SIN3A: variants seen among roughly 807,000 people sequenced by gnomAD.
SIN3A encodes paired amphipathic helix protein Sin3a.
In SIN3A, 14 loss-of-function variants were observed where a neutral mutation model predicts 146.1. That is an observed-to-expected ratio of 0.10 (90% CI 0.06 to 0.15). The LOEUF is 0.15. Among genes scored for constraint, SIN3A ranks in the 10% least tolerant of loss-of-function variants. SIN3A has a pLI of 1.00. For missense variants in SIN3A, 1,028 were observed against 1,576.0 expected, an observed-to-expected ratio of 0.65 and a Z score of 5.89; for synonymous variants, 572 against 572.0, an observed-to-expected ratio of 1.00 and a Z score of 0.00.
Position 75,392,802 on chromosome 15 carries a change from G to A in SIN3A, c.2291C>T (p.Ala764Val). 1 of 1,607,576 alleles carries A rather than the reference G, an allele frequency of 6.2e-7. No individual in the cohort carries two copies. Among genetic ancestry groups the A allele is most frequent in the East Asian group, 2.2e-5 (1 of 44,810 alleles). The change falls in exon 15 of 21, where the codon GCT (alanine) becomes GTT (valine). Residue 764 changes from alanine (A) to valine (V), a missense_variant. This residue lies in a region of SIN3A where 488 missense variants were observed against 690.2 expected (regional missense o/e 0.71). Coordinates refer to ENST00000394947, the MANE Select transcript of SIN3A (RefSeq NM_001145358.2). ...AGGTACACCAGCATTCTCCTCCGTA[G>A]CCTGCTCTTGCCTCTGATGGGACAG... ...ESIYDERQEQATEENAGVPVG... is the reference protein window; with the variant it reads ...ESIYDERQEQVTEENAGVPVG...
chr15:75,430,454 G>A (rs534089723), intron 1 of SIN3A, 46 bp from the exon 2 acceptor site: 1 of 1,432,206 alleles, frequency 7.0e-7, no homozygotes, highest in Admixed American at 2.4e-5. Context: ...TCTCACTCCA[G>A]TATGATGTAC....
At chr15:75,446,354 CAT>C (rs924677048) in intron 1 of SIN3A, 3 of 149,062 alleles carry the variant, frequency 2.0e-5, no homozygotes, top group African/African-American at 7.4e-5. Flanking sequence ...TGAGGGCTCA[CAT>C]GTGCTTGACA....
rs1023147564 is a variant in SIN3A at position 75,375,686 on chromosome 15, G to A, written c.3570C>T (p.Thr1190=). 15 of 1,613,782 alleles carry A rather than the reference G, an allele frequency of 9.3e-6. No individual in the cohort carries two copies. Among genetic ancestry groups the A allele is most frequent in the South Asian group, 2.2e-5 (2 of 91,068 alleles). The change falls in exon 20 of 21, where the codon ACC becomes ACT. Residue 1190 remains threonine, a synonymous_variant. Coordinates refer to ENST00000394947, the MANE Select transcript of SIN3A (RefSeq NM_001145358.2). Reference sequence around the variant, plus strand: ...TCACCTGATGAGCCCGGAGCAGGGCGGTCCTCCGATACATATAGTCCTCTG... The same window carrying A: ...TCACCTGATGAGCCCGGAGCAGGGCAGTCCTCCGATACATATAGTCCTCTG... ...IKSEDYMYRR[T]ALLRAHQSHE...
chr15:75,409,913 T>TCAA lies in SIN3A; in HGVS notation c.1239_1240insTTG (p.Leu413dup). 1 of 1,614,066 alleles carries TCAA rather than the reference T, an allele frequency of 6.2e-7. No individual in the cohort carries two copies. The highest frequency in any genetic ancestry group is 8.5e-7 in the Non-Finnish European group (1 of 1,180,036). ...TGGCTGGGCCTCTGCGGCTTGTTGTTCAGTTGGGGCTTCTTGACAGTGCCT... is the reference window on the plus strand; with the variant it reads ...TGGCTGGGCCTCTGCGGCTTGTTGTTCAACAGTTGGGGCTTCTTGACAGTGCCT... On this transcript the variant is annotated inframe_insertion, in exon 8 of 21. Coordinates refer to ENST00000394947, the MANE Select transcript of SIN3A (RefSeq NM_001145358.2).
At position 75,392,640 on chromosome 15, in the gene SIN3A, T is replaced by C. The variant is rs1202547391; in HGVS notation, c.2453A>G (p.His818Arg). 1 of 1,614,200 alleles carries C rather than the reference T, an allele frequency of 6.2e-7. No homozygotes were observed. Among genetic ancestry groups the C allele is most frequent in the Admixed American group, 1.7e-5 (1 of 60,022 alleles). The change falls in exon 15 of 21, where the codon CAT becomes CGT. Residue 818 changes from histidine to arginine, a missense_variant. Coordinates refer to ENST00000394947, the MANE Select transcript of SIN3A (RefSeq NM_001145358.2). ...DKYKIKQIMH[H>R]FIPDLLFAQR... The stretch of plus-strand genomic sequence containing the variant: ...GGCAAAGAGCAAATCTGGAATAAAA[T>C]GATGCATGATTTGTTTTATCTTATA...
At position 75,410,162 on chromosome 15, in the gene SIN3A, T is replaced by A; in HGVS notation, c.1133A>T (p.Gln378Leu). 2 of 1,614,172 alleles carry A rather than the reference T, an allele frequency of 1.2e-6. No homozygotes were observed. Among genetic ancestry groups the A allele is most frequent in the Non-Finnish European group, 1.7e-6 (2 of 1,180,020 alleles). ...NQEDLLSEFG[Q>L]FLPDANSSVL... ...GGAGCTGTTGGCATCTGGTAGGAAT[T>A]GTCCAAACTCTGACAACAAATCTTC... The change falls in exon 7 of 21, where the codon CAA becomes CTA. Residue 378 changes from glutamine to leucine, a missense_variant. Transcript: ENST00000394947.
chr15:75,416,494 T>C (rs1034511068), intron 3 of SIN3A, among the ~76,000 whole-genome samples: 1 of 152,050 alleles, frequency 6.6e-6, no homozygotes, highest in African/African-American at 2.4e-5. Context: ...CCTGGCTAAT[T>C]TTTGTATTTT....
rs2073569790 is a variant in SIN3A at position 75,408,809 on chromosome 15, C to A, written c.1317+1027G>T. On this transcript the variant is annotated intron_variant, in intron 8 of 20. Coordinates refer to ENST00000394947, the MANE Select transcript of SIN3A (RefSeq NM_001145358.2). The stretch of plus-strand genomic sequence containing the variant: ...TCTAGACCAGAGATCTCAAAAAACA[C>A]ATGCACTCTACTCACAAGAGGACCT... Among the ~76,000 whole-genome samples the A allele has an allele frequency of 3.3e-5, 5 of 152,214 alleles. No individual in the cohort carries two copies. The South Asian group carries it at 1.0e-3, about 31-fold the overall frequency.
In SIN3A at chr15:75,370,099, A is replaced by ATT. The variant is rs1473257036; in HGVS notation, c.*1879_*1880insAA. 5.2e-5 allele frequency: 8 copies of ATT among 152,546 alleles called. No individual in the cohort carries two copies. Among genetic ancestry groups the ATT allele is most frequent in the African/African-American group, 1.7e-4 (7 of 41,540 alleles). 9.4% of individuals were successfully genotyped at this position (152,546 alleles called of 1,614,324 possible). ...ACCCTGTCTCTACAAAAAGTTAAAA[A>ATT]ATTAGCTGGGCGTGGTGGCATGCAG... On this transcript the variant is annotated 3_prime_UTR_variant, in exon 21 of 21. Transcript: ENST00000394947.
At chr15:75,393,898 C>T (rs2073255279) in intron 14 of SIN3A, among the ~76,000 whole-genome samples, 1 of 152,176 alleles carries the variant, frequency 6.6e-6, no homozygotes, top group African/African-American at 2.4e-5. Context: ...TCCTCCACCT[C>T]CCAGGTTCAA....
chr15:75,386,307 C>T (rs2073076904), intron 16 of SIN3A, among the ~76,000 whole-genome samples: 1 of 152,322 alleles, frequency 6.6e-6, no homozygotes, highest in South Asian at 2.1e-4. Flanking sequence ...GGATTACAGG[C>T]GTGAGCCACC....
intron 1 of SIN3A, among the ~76,000 whole-genome samples, chr15:75,446,648 T>A (rs1386077988): frequency 2.0e-5 from 3 of 151,562 alleles, no homozygotes; most frequent in Non-Finnish European, 2.9e-5. Flanking sequence ...CGCGCCAGCA[T>A]GCTTGGCTAA....
intron 1 of SIN3A, 131 bp from the exon 2 acceptor site, chr15:75,430,539 T>C: frequency 1.5e-6 from 1 of 646,266 alleles, no homozygotes; most frequent in Non-Finnish European, 2.4e-6. Flanking sequence ...ATCTTAGTGA[T>C]GAAGTTTAAG....
chr15:75,424,010 A>G (rs927615420), intron 2 of SIN3A, among the ~76,000 whole-genome samples: 1 of 151,864 alleles, frequency 6.6e-6, no homozygotes, highest in East Asian at 1.9e-4. Flanking sequence ...AGAAGAAAAA[A>G]AATTATATAG....
intron 19 of SIN3A, 85 bp from the exon 20 acceptor site, chr15:75,375,957 T>C (rs887998890): frequency 2.7e-5 from 36 of 1,326,412 alleles, no homozygotes; most frequent in Non-Finnish European, 3.9e-5. Context: ...CTTTATTATA[T>C]GCTTGCATAG....
At chr15:75,422,061 A>T (rs1327152123) in intron 3 of SIN3A, 1 of 153,070 alleles carries the variant, frequency 6.5e-6, no homozygotes, top group Non-Finnish European at 1.5e-5. Context: ...CATAAACAGG[A>T]ATAAAAAGAT....
At chr15:75,422,966 A>C in intron 2 of SIN3A, 143 bp from the exon 3 acceptor site, 25 of 753,468 alleles carry the variant, frequency 3.3e-5, no homozygotes, top group Non-Finnish European at 4.9e-5. Context: ...CACCTATCTC[A>C]CCTACATAGG....
chr15:75,426,104 C>T (rs1253982883), intron 2 of SIN3A, among the ~76,000 whole-genome samples: 1 of 152,224 alleles, frequency 6.6e-6, no homozygotes, highest in East Asian at 1.9e-4. Context: ...TATACAAACA[C>T]ATTATAGTTT....
chr15:75,382,686 C>T (rs2072996752), intron 17 of SIN3A, among the ~76,000 whole-genome samples: 1 of 152,206 alleles, frequency 6.6e-6, no homozygotes, highest in Admixed American at 6.5e-5. Context: ...GTGGCTCACA[C>T]CTGTAATCCC....
Sources: gnomAD v4.1 joint callset for allele counts (sites outside exome capture counted in the v4.1 genomes callset) on GRCh38, gnomAD v4.1.1 for gene constraint, gnomAD v4.1.1 regional missense constraint, MANE v1.5 for transcripts, NCBI Gene and HGNC (gene_info 2026-07-23, HGNC 2026-07-21) for gene names.